C5orf63: variants seen among roughly 807,000 people sequenced by gnomAD.
C5orf63 encodes chromosome 5 open reading frame 63, also known as glutaredoxin-like protein C5orf63.
C5orf63 carries 18 observed loss-of-function variants against 13.3 expected under a neutral mutation model. The ratio of observed to expected loss-of-function variants is 1.36; its 90% confidence interval spans 0.94 to 2.01. The LOEUF (loss-of-function observed/expected upper bound fraction) is 2.01. Among genes scored for constraint, C5orf63 ranks in the 30% most tolerant of loss-of-function variants. The pLI is 0.00. For missense variants in C5orf63, 118 were observed against 127.7 expected (o/e 0.92, Z 0.36); for synonymous variants, 38 against 44.7 (o/e 0.85, Z 0.60).
At chr5:127,049,930 C>T (rs1227801491), downstream of C5orf63, among the ~76,000 whole-genome samples, 1 of 152,142 alleles carries the variant, frequency 6.6e-6, no homozygotes, top group Non-Finnish European at 1.5e-5. Context: ...TCCCTATCTT[C>T]CTGCTAGTTT....
chr5:127,048,770 T>C (rs1032724717), downstream of C5orf63, among the ~76,000 whole-genome samples: 14 of 152,220 alleles, frequency 9.2e-5, no homozygotes, highest in Admixed American at 7.2e-4. Context: ...CACATGGTTA[T>C]ACTCAGGTAA....
At chr5:127,044,973 A>C (rs2126876019), downstream of C5orf63, 1 of 152,210 alleles carries the variant, frequency 6.6e-6, no homozygotes, top group East Asian at 1.9e-4. Flanking sequence ...TGCTGAGCTA[A>C]TCAATTACCT....
intron 3 of C5orf63, among the ~76,000 whole-genome samples, chr5:127,058,565 T>C (rs1034393372): frequency 2.6e-5 from 4 of 152,238 alleles, no homozygotes; most frequent in Admixed American, 1.3e-4. Context: ...GGTGACTTTA[T>C]AGAACATAAT....
intron 2 of C5orf63, among the ~76,000 whole-genome samples, chr5:127,060,827 C>T (rs1333144582): frequency 6.6e-6 from 1 of 152,176 alleles, no homozygotes; most frequent in Admixed American, 6.5e-5. Flanking sequence ...TTAGTCAGCC[C>T]AACACTCCCC....
intron 4 of C5orf63, 118 bp from the exon 5 acceptor site, chr5:127,052,065 G>A (rs1216420800): frequency 1.2e-6 from 1 of 826,254 alleles, no homozygotes; most frequent in Admixed American, 3.6e-5. Context: ...TTGTTTGTTT[G>A]TTTTAGGTCC....
downstream of C5orf63, chr5:127,043,141 G>C (rs1580518935): frequency 1.3e-5 from 2 of 152,088 alleles, no homozygotes; most frequent in East Asian, 3.9e-4. Flanking sequence ...TTTTCATGTA[G>C]TCACATATAC....
chr5:127,066,307 T>C (rs773682410), intron 2 of C5orf63, among the ~76,000 whole-genome samples: 2 of 152,102 alleles, frequency 1.3e-5, no homozygotes, highest in Admixed American at 1.3e-4. Context: ...TGACATGATC[T>C]CATATACATT....
At chr5:127,053,882 C>T (rs1186426979) in intron 3 of C5orf63, among the ~76,000 whole-genome samples, 4 of 152,198 alleles carry the variant, frequency 2.6e-5, no homozygotes, top group South Asian at 2.1e-4. Flanking sequence ...TGAACAGTGT[C>T]GCAATAAACA....
intron 2 of C5orf63, among the ~76,000 whole-genome samples, chr5:127,059,763 TG>T (rs1310539288): frequency 6.8e-6 from 1 of 146,026 alleles, no homozygotes; most frequent in Non-Finnish European, 1.5e-5. Context: ...AAAGAAACAA[TG>T]GGTAAGCAGC....
chr5:127,069,652 A>G (rs573648612), intron 2 of C5orf63, among the ~76,000 whole-genome samples: 1 of 152,368 alleles, frequency 6.6e-6, no homozygotes, highest in South Asian at 2.1e-4. Flanking sequence ...GATAACAGTA[A>G]GACCCAGGCC....
intron 3 of C5orf63, among the ~76,000 whole-genome samples, chr5:127,053,431 T>C (rs1753760859): frequency 6.6e-6 from 1 of 151,814 alleles, no homozygotes; most frequent in South Asian, 2.1e-4. Context: ...ATATGTTATA[T>C]ATATTATACC....
chr5:127,044,011 C>G (rs1249432899), downstream of C5orf63: 1 of 152,256 alleles, frequency 6.6e-6, no homozygotes, highest in Non-Finnish European at 1.5e-5. Context: ...AATGCTGCAA[C>G]AAAGCCATCA....
downstream of C5orf63, chr5:127,044,659 G>T (rs1047136179): frequency 5.3e-5 from 8 of 151,530 alleles, no homozygotes; most frequent in African/African-American, 1.9e-4. Context: ...ACTATAATGG[G>T]TTACTATGGT....
chr5:127,057,197 T>C (rs1753916311), intron 3 of C5orf63, among the ~76,000 whole-genome samples: 1 of 152,208 alleles, frequency 6.6e-6, no homozygotes, highest in Admixed American at 6.5e-5. Context: ...CTTACAGATA[T>C]AAAAAGTAGT....
chr5:127,065,487 C>T (rs533444969), intron 2 of C5orf63, among the ~76,000 whole-genome samples: 1 of 152,248 alleles, frequency 6.6e-6, no homozygotes, highest in Non-Finnish European at 1.5e-5. Flanking sequence ...TTTCCAAATT[C>T]AGGGTTAGAC....
At chr5:127,046,506 T>C (rs559401523), downstream of C5orf63, 2 of 152,410 alleles carry the variant, frequency 1.3e-5, no homozygotes, top group East Asian at 3.9e-4. Flanking sequence ...TCCTGACTTC[T>C]CTTGAGTATG....
At chr5:127,056,956 T>C (rs1288653229) in intron 3 of C5orf63, among the ~76,000 whole-genome samples, 1 of 152,206 alleles carries the variant, frequency 6.6e-6, no homozygotes, top group Non-Finnish European at 1.5e-5. Flanking sequence ...AGTATAAATA[T>C]TAAGCTGAAT....
chr5:127,052,794 C>G, intron 3 of C5orf63, 125 bp from the exon 4 acceptor site: 1 of 595,742 alleles, frequency 1.7e-6, no homozygotes, highest in Non-Finnish European at 2.6e-6. Context: ...AGTTTTCTAC[C>G]ATGTTAGTTA....
chr5:127,053,763 T>G (rs1478118094), intron 3 of C5orf63, among the ~76,000 whole-genome samples: 1 of 152,244 alleles, frequency 6.6e-6, no homozygotes, highest in Non-Finnish European at 1.5e-5. Flanking sequence ...GGACATGAAC[T>G]CATCCTTTTT....
Sources: allele counts gnomAD v4.1 joint callset (sites outside exome capture counted in the v4.1 genomes callset), GRCh38; gene constraint gnomAD v4.1.1; transcripts MANE v1.5; gene names NCBI Gene and HGNC (gene_info 2026-07-23, HGNC 2026-07-21).